BRINP1: variants seen among roughly 807,000 people sequenced by gnomAD.
The protein encoded by BRINP1 is BMP/retinoic acid-inducible neural-specific protein 1.
BRINP1 carries 17 observed loss-of-function variants against 72.9 expected under a neutral mutation model. The observed-to-expected ratio is 0.23, with a 90% CI of 0.16 to 0.35. The LOEUF (loss-of-function observed/expected upper bound fraction) is 0.35, where lower values mean the gene tolerates loss of function less well. Among genes scored for constraint, BRINP1 ranks in the 10% least tolerant of loss-of-function variants. BRINP1 has a pLI of 1.00. For missense variants in BRINP1, 850 were observed against 1,001.6 expected (o/e 0.85, Z 2.04); for synonymous variants, 418 against 378.5 (o/e 1.10, Z -1.21).
chr9:119,351,619 C>T (rs1180814604), intron 1 of BRINP1, among the ~76,000 whole-genome samples: 3 of 152,098 alleles, frequency 2.0e-5, no homozygotes, highest in African/African-American at 7.2e-5. Context: ...CCCATAGAAA[C>T]CAGATAGTCA....
At chr9:119,293,674 T>C (rs1426474032) in intron 2 of BRINP1, among the ~76,000 whole-genome samples, 4 of 152,204 alleles carry the variant, frequency 2.6e-5, no homozygotes, top group African/African-American at 7.2e-5. Flanking sequence ...TACTACCTCA[T>C]ATGAGACATT....
intron 3 of BRINP1, among the ~76,000 whole-genome samples, chr9:119,246,187 A>C (rs190758631): frequency 6.6e-6 from 1 of 152,336 alleles, no homozygotes; most frequent in African/African-American, 2.4e-5. Context: ...TGTGATGGTT[A>C]ATACTGAGTG....
chr9:119,300,963 C>T (rs1035930371), intron 2 of BRINP1, among the ~76,000 whole-genome samples: 5 of 152,214 alleles, frequency 3.3e-5, no homozygotes, highest in African/African-American at 9.7e-5. Context: ...ATGCTTTACT[C>T]GGCACCTACT....
intron 1 of BRINP1, among the ~76,000 whole-genome samples, chr9:119,317,006 G>A (rs578124175): frequency 4.6e-5 from 7 of 150,936 alleles, no homozygotes; most frequent in East Asian, 1.9e-4. Flanking sequence ...CAGGAGAATC[G>A]CTTGAACCCG....
At chr9:119,289,378 G>A (rs1830800438) in intron 2 of BRINP1, among the ~76,000 whole-genome samples, 1 of 152,176 alleles carries the variant, frequency 6.6e-6, no homozygotes, top group Middle Eastern at 3.2e-3. Context: ...TGAAGACGAT[G>A]GAGAAGAGGC....
chr9:119,182,882 C>T (rs930295144), intron 7 of BRINP1, among the ~76,000 whole-genome samples: 4 of 152,174 alleles, frequency 2.6e-5, no homozygotes, highest in African/African-American at 9.7e-5. Flanking sequence ...CATCAAAAAG[C>T]ATATTCAAAA....
In BRINP1 at chr9:119,334,957, A is replaced by G. The variant is rs1831333562; in HGVS notation, c.-50-21552T>C. On this transcript the variant is annotated intron_variant, in intron 1 of 7. Transcript: ENST00000265922. ...TGTTGGCTGAGCGCCACTGACTTCC[A>G]AACAGAAAATGGCTTCCAGATATAC... is the stretch of plus-strand genomic sequence containing the variant. Among the ~76,000 whole-genome samples the G allele has an allele frequency of 3.9e-5, 6 of 152,282 alleles. No individual in the cohort carries two copies. The South Asian group carries it at 1.2e-3, about 32-fold the overall frequency.
At chr9:119,301,230 C>T (rs1830934900) in intron 2 of BRINP1, among the ~76,000 whole-genome samples, 1 of 152,138 alleles carries the variant, frequency 6.6e-6, no homozygotes, top group Non-Finnish European at 1.5e-5. Flanking sequence ...ATGAAAAGCA[C>T]CATCACCCAC....
chr9:119,248,977 A>T lies in BRINP1; in HGVS notation c.392T>A (p.Ile131Asn). ...TGACCTACCTCCCAATGTGGCTGAG[A>T]TGAGCAGGTGGGTGCCGTACTTTTT... ...IIKKYGTHLLISATLGGEEAL... is the reference protein window; with the variant it reads ...IIKKYGTHLLNSATLGGEEAL... Residue 131 changes from isoleucine (I) to asparagine (N), a missense_variant, in exon 3 of 8, where the codon ATC (isoleucine) becomes AAC (asparagine). Coordinates refer to ENST00000265922, the MANE Select transcript of BRINP1 (RefSeq NM_014618.3). The T allele has an allele frequency of 6.2e-7, 1 of 1,612,974 alleles. No homozygotes were observed. The highest frequency in any genetic ancestry group is 2.2e-5 in the East Asian group (1 of 44,830).
chr9:119,332,668 T>A (rs908190319), intron 1 of BRINP1, among the ~76,000 whole-genome samples: 1 of 152,142 alleles, frequency 6.6e-6, no homozygotes, highest in Admixed American at 6.5e-5. Context: ...ATGAAAGACA[T>A]GCAGAGCAGG....
At chr9:119,331,483 GTC>G (rs963976923) in intron 1 of BRINP1, among the ~76,000 whole-genome samples, 5 of 152,206 alleles carry the variant, frequency 3.3e-5, no homozygotes, top group African/African-American at 1.2e-4. Context: ...ACAGCAATTT[GTC>G]AACAACATCT....
At chr9:119,257,980 A>G (rs553101994) in intron 2 of BRINP1, among the ~76,000 whole-genome samples, 4 of 152,300 alleles carry the variant, frequency 2.6e-5, no homozygotes, top group Admixed American at 1.3e-4. Context: ...GAAGTGAGGA[A>G]AAGTAGAAAA....
intron 3 of BRINP1, among the ~76,000 whole-genome samples, chr9:119,242,684 CT>C (rs150494157): frequency 0.042 from 6,371 of 152,234 alleles, 306 homozygotes; most frequent in African/African-American, 0.12. Context: ...TCCCCTCCCC[CT>C]GATCTTTTCT....
intron 1 of BRINP1, among the ~76,000 whole-genome samples, chr9:119,329,787 T>C (rs1831280566): frequency 6.6e-6 from 1 of 152,206 alleles, no homozygotes; most frequent in Admixed American, 6.5e-5. Context: ...GAAGATGTGA[T>C]TATCATTCCT....
intron 2 of BRINP1, among the ~76,000 whole-genome samples, chr9:119,307,260 T>C (rs1026793098): frequency 2.6e-5 from 4 of 152,112 alleles, no homozygotes; most frequent in African/African-American, 9.7e-5. Context: ...ACAATAATTT[T>C]TTTTAGCTCC....
rs189290606 is a variant in BRINP1 at position 119,327,774 on chromosome 9, T to A, written c.-50-14369A>T. Among the ~76,000 whole-genome samples the A allele has an allele frequency of 7.0e-4, 107 of 152,258 alleles. 1 individual carries two copies. Among genetic ancestry groups the A allele is most frequent in the Admixed American group, 6.1e-3 (94 of 15,292 alleles). On this transcript the variant is annotated intron_variant, in intron 1 of 7. Coordinates refer to ENST00000265922, the MANE Select transcript of BRINP1 (RefSeq NM_014618.3). ...GGTAACCAGGTTAATGCTGGTGCTATTCATGACAATAAAGAATAATGGAAA... is the reference window on the plus strand; with the variant it reads ...GGTAACCAGGTTAATGCTGGTGCTAATCATGACAATAAAGAATAATGGAAA...
At chr9:119,318,046 C>T (rs773143346) in intron 1 of BRINP1, among the ~76,000 whole-genome samples, 1 of 152,196 alleles carries the variant, frequency 6.6e-6, no homozygotes, top group Non-Finnish European at 1.5e-5. Context: ...ACGCAACCTA[C>T]AAATCTCTGA....
chr9:119,326,588 C>A (rs1335725522), intron 1 of BRINP1, among the ~76,000 whole-genome samples: 1 of 151,990 alleles, frequency 6.6e-6, no homozygotes, highest in East Asian at 1.9e-4. Flanking sequence ...GGTCTAAATT[C>A]AGGGAGACTG....
chr9:119,302,582 C>A (rs1053006063), intron 2 of BRINP1, among the ~76,000 whole-genome samples: 1 of 152,084 alleles, frequency 6.6e-6, no homozygotes, highest in African/African-American at 2.4e-5. Flanking sequence ...AGAATAAAGT[C>A]TGAAGTCTTT....
Sources: gnomAD v4.1 joint callset for allele counts (sites outside exome capture counted in the v4.1 genomes callset) on GRCh38, gnomAD v4.1.1 for gene constraint, MANE v1.5 for transcripts, NCBI Gene and HGNC (gene_info 2026-07-23, HGNC 2026-07-21) for gene names.